PRKAR1A: variants seen among roughly 807,000 people sequenced by gnomAD.
PRKAR1A encodes cAMP-dependent protein kinase type I-alpha regulatory subunit.
A neutral mutation model predicts 52.0 loss-of-function variants in PRKAR1A; 3 were observed. That is an observed-to-expected ratio of 0.06 (90% CI 0.03 to 0.15). PRKAR1A has a LOEUF of 0.15. Ranked by LOEUF, PRKAR1A falls within the 10% of genes least tolerant of loss-of-function variation. The probability of loss-of-function intolerance (pLI) is 1.00; values close to 1 mark genes in which losing one functional copy is unlikely to be tolerated. For missense variants in PRKAR1A, 240 were observed against 477.4 expected (o/e 0.50, Z 4.63); for synonymous variants, 188 against 168.4 (o/e 1.12, Z -0.90).
chr17:68,459,441 TTG>T, the PRKAR1A span, among the ~76,000 whole-genome samples: 1 of 152,252 alleles, frequency 6.6e-6, no homozygotes, highest in Non-Finnish European at 1.5e-5. Flanking sequence ...GTGTTAGTTT[TTG>T]AGCAGGAGTG....
At chr17:68,468,936 A>G in the PRKAR1A span, among the ~76,000 whole-genome samples, 2 of 152,246 alleles carry the variant, frequency 1.3e-5, no homozygotes, top group South Asian at 2.1e-4. Flanking sequence ...TGTTCCACAG[A>G]TGGGGGCTTA....
chr17:68,426,254 G>GGCC, the PRKAR1A span: 3 of 816,890 alleles, frequency 3.7e-6, no homozygotes, highest in East Asian at 3.5e-5. Context: ...GGGAGCGGGG[G>GGCC]CTCAAATAAA....
At chr17:68,489,567 A>G in the PRKAR1A span, among the ~76,000 whole-genome samples, 1 of 150,058 alleles carries the variant, frequency 6.7e-6, no homozygotes, top group East Asian at 1.9e-4. Context: ...ATACACACAT[A>G]CTTCTCTTTT....
chr17:68,472,351 C>T, the PRKAR1A span, among the ~76,000 whole-genome samples: 2 of 152,132 alleles, frequency 1.3e-5, no homozygotes, highest in Admixed American at 6.5e-5. Context: ...CTCACCCCTC[C>T]ATGTTCTGGG....
intron 7 of PRKAR1A, among the ~76,000 whole-genome samples, chr17:68,526,149 C>A (rs1016710880): frequency 6.6e-5 from 10 of 152,190 alleles, no homozygotes; most frequent in African/African-American, 2.4e-4. Context: ...GAAACAAGAT[C>A]TGGTATATAT....
chr17:68,432,705 G>C, the PRKAR1A span, among the ~76,000 whole-genome samples: 9 of 152,288 alleles, frequency 5.9e-5, no homozygotes, highest in African/African-American at 2.2e-4. Flanking sequence ...AAGGGTACCA[G>C]CAACCAACTC....
Position 68,530,796 on chromosome 17 carries a change from AT to A in PRKAR1A, c.*357del, listed in dbSNP as rs1031270550. ...TAGAGTAATGATGTAACAGTGCAAGATTTTTTTTTTAAGTGACATAATTGTC... is the reference window on the plus strand; with the variant it reads ...TAGAGTAATGATGTAACAGTGCAAGATTTTTTTTTAAGTGACATAATTGTC... On this transcript the variant is annotated 3_prime_UTR_variant, in exon 11 of 11. Transcript: ENST00000589228. 2.7e-3 allele frequency: 3,206 copies of A among 1,167,366 alleles called. No homozygotes were observed. The highest frequency in any genetic ancestry group is 0.011 in the South Asian group (521 of 49,472). The allele number at this position is 1,167,366 out of a possible 1,614,324, so 72.3% of individuals were successfully genotyped here. A position where few individuals can be genotyped will look rare whatever the true frequency, so the allele number is the denominator to read the frequency against.
At chr17:68,511,593 C>T (rs1422293695), upstream of PRKAR1A, among the ~76,000 whole-genome samples, 1 of 152,206 alleles carries the variant, frequency 6.6e-6, no homozygotes, top group Non-Finnish European at 1.5e-5. Context: ...CCTCTTGGAC[C>T]CTGACAAAGT....
At chr17:68,526,849 T>C (rs984201276) in intron 7 of PRKAR1A, among the ~76,000 whole-genome samples, 1 of 152,146 alleles carries the variant, frequency 6.6e-6, no homozygotes, top group East Asian at 1.9e-4. Flanking sequence ...CAAAATTACC[T>C]GAACACCAAA....
At chr17:68,475,433 T>C in the PRKAR1A span, among the ~76,000 whole-genome samples, 2 of 152,222 alleles carry the variant, frequency 1.3e-5, no homozygotes, top group East Asian at 1.9e-4. Context: ...TCCTGCTGTA[T>C]AGCTTCATCC....
the PRKAR1A span, among the ~76,000 whole-genome samples, chr17:68,459,764 C>A: frequency 5.9e-5 from 9 of 152,132 alleles, no homozygotes; most frequent in East Asian, 1.7e-3. Flanking sequence ...GGAATAATAT[C>A]ATTTATTTAA....
At chr17:68,420,522 A>G in the PRKAR1A span, 2 of 1,567,646 alleles carry the variant, frequency 1.3e-6, no homozygotes, top group Non-Finnish European at 1.7e-6. Flanking sequence ...TTTGCTTCCA[A>G]ATTTCATTTT....
chr17:68,456,501 G>A, the PRKAR1A span, among the ~76,000 whole-genome samples: 1 of 66,496 alleles, frequency 1.5e-5, no homozygotes, highest in African/African-American at 5.7e-5. Flanking sequence ...TGAAAATAGG[G>A]AAAGAAACAG....
rs577964161 is a variant in PRKAR1A, at chr17:68,532,538, A to C, written c.*2089A>C. On this transcript the variant is annotated 3_prime_UTR_variant, in exon 11 of 11. Coordinates refer to ENST00000589228, the MANE Select transcript of PRKAR1A (RefSeq NM_002734.5). The stretch of plus-strand genomic sequence containing the variant: ...GTATATGTGAGAAATCAGAATTGGC[A>C]TAATTTGTCTTAGTTGATATTCAAG... The C allele has an allele frequency of 1.9e-6, 2 of 1,065,410 alleles. No individual in the cohort carries two copies. Among genetic ancestry groups the C allele is most frequent in the Non-Finnish European group, 1.1e-6 (1 of 879,094 alleles). The allele number at this position is 1,065,410 out of a possible 1,614,324, so 66.0% of individuals were successfully genotyped here.
the PRKAR1A span, among the ~76,000 whole-genome samples, chr17:68,502,660 G>A: frequency 1.3e-5 from 2 of 150,792 alleles, no homozygotes; most frequent in Non-Finnish European, 2.9e-5. Context: ...GCTGAGGCAG[G>A]AGAATCGCTT....
At chr17:68,487,561 G>A in the PRKAR1A span, among the ~76,000 whole-genome samples, 1 of 152,110 alleles carries the variant, frequency 6.6e-6, no homozygotes, top group Admixed American at 6.6e-5. Context: ...TGCACTTTGG[G>A]GGGCCAAGGC....
intron 9 of PRKAR1A, among the ~76,000 whole-genome samples, chr17:68,529,448 T>C (rs1285781689): frequency 6.6e-6 from 1 of 152,258 alleles, no homozygotes; most frequent in African/African-American, 2.4e-5. Flanking sequence ...GGCAGATTTC[T>C]ATGAATGTGG....
chr17:68,532,332 A>G lies in PRKAR1A; in HGVS notation c.*1883A>G, dbSNP rs917448498. On this transcript the variant is annotated 3_prime_UTR_variant, in exon 11 of 11. Coordinates refer to ENST00000589228, the MANE Select transcript of PRKAR1A (RefSeq NM_002734.5). Reference sequence around the variant, plus strand: ...AATTGCAGTTTCATGTATGTATATAATCATGCTCATGTATATTTAGTTACG... The same window carrying G: ...AATTGCAGTTTCATGTATGTATATAGTCATGCTCATGTATATTTAGTTACG... The G allele has an allele frequency of 2.8e-6, 3 of 1,054,136 alleles. No homozygotes were observed. The African/African-American group carries it at 4.9e-5, about 17-fold the overall frequency. The allele number at this position is 1,054,136 out of a possible 1,614,324, so 65.3% of individuals were successfully genotyped here.
chr17:68,529,789 G>C, intron 9 of PRKAR1A, 131 bp from the exon 10 acceptor site: 1 of 882,584 alleles, frequency 1.1e-6, no homozygotes, highest in Admixed American at 1.8e-5. Context: ...CTCATGTGGT[G>C]ACTAACTTTA....
Sources: gnomAD v4.1 joint callset for allele counts (sites outside exome capture counted in the v4.1 genomes callset) on GRCh38, gnomAD v4.1.1 for gene constraint, MANE v1.5 for transcripts, NCBI Gene and HGNC (gene_info 2026-07-23, HGNC 2026-07-21) for gene names.